The following RGS6 variants were observed in gnomAD, a reference collection of about 807,000 sequenced individuals.
RGS6 encodes regulator of G-protein signaling 6.
A neutral mutation model predicts 78.5 loss-of-function variants in RGS6; 30 were observed. The observed-to-expected ratio is 0.38, with a 90% CI of 0.29 to 0.52. The LOEUF (loss-of-function observed/expected upper bound fraction) is 0.52, where lower values mean the gene tolerates loss of function less well. RGS6 is among the 20% of genes least tolerant of loss of function. The pLI is 0.85. For synonymous variants in RGS6, 206 were observed against 206.0 expected (o/e 1.00, Z 0.00); for missense variants, 495 against 609.7 (o/e 0.81, Z 1.98).
At chr14:72,223,099 C>T (rs2047254014) in intron 2 of RGS6, among the ~76,000 whole-genome samples, 1 of 152,194 alleles carries the variant, frequency 6.6e-6, no homozygotes, top group South Asian at 2.1e-4. Flanking sequence ...ACTTTCCCTT[C>T]AAGAGTTCAA....
intron 2 of RGS6, among the ~76,000 whole-genome samples, chr14:72,024,315 TG>T (rs1319589329): frequency 2.0e-5 from 3 of 152,212 alleles, no homozygotes; most frequent in Non-Finnish European, 4.4e-5. Context: ...TAACGTTGAA[TG>T]TGCACACAGG....
chr14:72,495,407 C>T, intron 13 of RGS6, 145 bp downstream of exon 13: 2 of 639,238 alleles, frequency 3.1e-6, no homozygotes, highest in Non-Finnish European at 2.9e-6. Context: ...CTGAGTTCTA[C>T]TTACAGTTTC....
At chr14:72,424,749 T>C (rs896578727) in intron 3 of RGS6, among the ~76,000 whole-genome samples, 2 of 152,262 alleles carry the variant, frequency 1.3e-5, no homozygotes, top group African/African-American at 2.4e-5. Flanking sequence ...CTTGTTTATA[T>C]GGATTTTATT....
intron 2 of RGS6, among the ~76,000 whole-genome samples, chr14:72,087,022 G>T (rs1271843606): frequency 3.3e-5 from 5 of 151,992 alleles, no homozygotes; most frequent in African/African-American, 1.2e-4. Flanking sequence ...TGTGTTCTTA[G>T]GACCATAATT....
At chr14:72,609,928 G>A in the RGS6 span, among the ~76,000 whole-genome samples, 3 of 152,192 alleles carry the variant, frequency 2.0e-5, no homozygotes, top group East Asian at 1.9e-4. Flanking sequence ...GAGGCAATGC[G>A]GCGTTGGGTC....
the RGS6 span, among the ~76,000 whole-genome samples, chr14:71,901,030 C>T: frequency 3.9e-5 from 6 of 152,138 alleles, no homozygotes; most frequent in Non-Finnish European, 7.4e-5. Context: ...ATGAGGGATC[C>T]GCCCCCATGA....
chr14:72,294,121 AC>A (rs748894951), intron 2 of RGS6, among the ~76,000 whole-genome samples: 1 of 152,182 alleles, frequency 6.6e-6, no homozygotes, highest in African/African-American at 2.4e-5. Flanking sequence ...AGACAGAGGT[AC>A]CATTTGTTCA....
chr14:72,474,600 A>G (rs1312839698), intron 9 of RGS6, 25 bp from the exon 10 acceptor site: 1 of 1,592,244 alleles, frequency 6.3e-7, no homozygotes, highest in African/African-American at 1.4e-5. Flanking sequence ...GTAGTAATTT[A>G]TATGATGTGT....
chr14:71,878,913 A>G, the RGS6 span, among the ~76,000 whole-genome samples: 1 of 152,174 alleles, frequency 6.6e-6, no homozygotes, highest in Non-Finnish European at 1.5e-5. Context: ...GCTGATGTAC[A>G]ATTAGAGTCC....
intron 2 of RGS6, among the ~76,000 whole-genome samples, chr14:72,130,954 C>G (rs1424711735): frequency 6.6e-6 from 1 of 152,346 alleles, no homozygotes; most frequent in African/African-American, 2.4e-5. Flanking sequence ...CTTGTGACTC[C>G]TTTTGCAGCT....
At chr14:72,314,629 C>T (rs75461851) in intron 2 of RGS6, among the ~76,000 whole-genome samples, 1,598 of 152,256 alleles carry the variant, frequency 0.01, 28 homozygotes, top group African/African-American at 0.036. Context: ...AGAACCTGAA[C>T]CCAGGTCCTC....
At chr14:72,499,397 C>T (rs968907465) in intron 13 of RGS6, among the ~76,000 whole-genome samples, 8 of 152,196 alleles carry the variant, frequency 5.3e-5, no homozygotes, top group East Asian at 1.9e-4. Context: ...GAGTTGCTTC[C>T]ATATGCCCCT....
chr14:72,157,460 C>T (rs576649431), intron 2 of RGS6, among the ~76,000 whole-genome samples: 6 of 152,326 alleles, frequency 3.9e-5, no homozygotes, highest in African/African-American at 1.2e-4. Flanking sequence ...CTACCAGTAG[C>T]AGCAGAGGTG....
chr14:72,472,848 T>A, intron 8 of RGS6, 24 bp from the exon 9 acceptor site: 1 of 1,541,804 alleles, frequency 6.5e-7, no homozygotes, highest in Middle Eastern at 1.7e-4. Flanking sequence ...GCTTCTTATT[T>A]CCTTCCTCTC....
At chr14:72,596,072 C>T in the RGS6 span, among the ~76,000 whole-genome samples, 3,017 of 152,294 alleles carry the variant, frequency 0.02, 54 homozygotes, top group Non-Finnish European at 0.03. Context: ...TTTTCTATTG[C>T]TGCAGCAACA....
the RGS6 span, among the ~76,000 whole-genome samples, chr14:72,586,133 C>T: frequency 1.3e-5 from 2 of 152,320 alleles, no homozygotes; most frequent in South Asian, 2.1e-4. Flanking sequence ...TATCCCCACT[C>T]CTATCTCTGG....
intron 2 of RGS6, among the ~76,000 whole-genome samples, chr14:72,188,819 C>G (rs1313012724): frequency 6.6e-6 from 1 of 152,104 alleles, no homozygotes; most frequent in East Asian, 1.9e-4. Flanking sequence ...ACCAATGTGC[C>G]TTAAAATTCT....
chr14:71,911,699 A>G, the RGS6 span, among the ~76,000 whole-genome samples: 1 of 152,140 alleles, frequency 6.6e-6, no homozygotes, highest in Non-Finnish European at 1.5e-5. Flanking sequence ...CAACTGAAGA[A>G]TCATGAGGTT....
At chr14:72,011,779 G>A (rs74897976) in intron 2 of RGS6, among the ~76,000 whole-genome samples, 2 of 151,948 alleles carry the variant, frequency 1.3e-5, no homozygotes, top group Non-Finnish European at 2.9e-5. Flanking sequence ...GGTATCCTCT[G>A]GGGGGGTACT....
Sources: allele counts gnomAD v4.1 joint callset (sites outside exome capture counted in the v4.1 genomes callset), GRCh38; gene constraint gnomAD v4.1.1; transcripts MANE v1.5; gene names NCBI Gene and HGNC (gene_info 2026-07-23, HGNC 2026-07-21).